SLC26A5: variants seen among roughly 807,000 people sequenced by gnomAD.
The protein encoded by SLC26A5 is solute carrier family 26 member 5.
Under a neutral mutation model 81.0 loss-of-function variants are expected in SLC26A5, and 51 were observed. The ratio of observed to expected loss-of-function variants is 0.63; its 90% CI spans 0.50 to 0.80. The LOEUF is 0.80. Among genes scored for constraint, SLC26A5 ranks in the 30% least tolerant of loss-of-function variants. SLC26A5 has a pLI of 0.00. For synonymous variants in SLC26A5, 325 were observed against 332.8 expected (o/e 0.98, Z 0.25); for missense variants, 771 against 905.8 (o/e 0.85, Z 1.91).
intron 14 of SLC26A5, among the ~76,000 whole-genome samples, chr7:103,386,624 A>G (rs1822215580): frequency 6.6e-6 from 1 of 152,112 alleles, no homozygotes; most frequent in Non-Finnish European, 1.5e-5. Flanking sequence ...AGAAAAATAA[A>G]GACTAAGTAA....
chr7:103,404,028 C>G (rs538906570), intron 8 of SLC26A5, among the ~76,000 whole-genome samples: 1 of 152,190 alleles, frequency 6.6e-6, no homozygotes, highest in East Asian at 1.9e-4. Flanking sequence ...GCTAAAAATA[C>G]AAAAACTAGC....
intron 14 of SLC26A5, among the ~76,000 whole-genome samples, chr7:103,385,702 CTTTT>C: frequency 8.2e-6 from 1 of 122,636 alleles, no homozygotes; most frequent in Admixed American, 7.6e-5. Context: ...CTTTTCTTTT[CTTTT>C]TTTTTTTTTT....
At position 103,386,786 on chromosome 7, in the gene SLC26A5, C is replaced by T. The variant is rs372315106; in HGVS notation, c.1514+2222G>A. ...TTTTTTCTTTTTCTTTTTTTTGAGA[C>T]GTGTGTCACTCTGTCGCCCAGGCTG... On this transcript the variant is annotated intron_variant, in intron 14 of 19. Transcript: ENST00000306312. 3.0e-4 allele frequency among the ~76,000 whole-genome samples: 45 copies of T among 150,826 alleles called. 1 individual carries two copies. The highest frequency in any genetic ancestry group is 1.0e-3 in the African/African-American group (43 of 41,090).
rs1563527919 is a variant in SLC26A5 at position 103,388,621 on chromosome 7, A to G, written c.1514+387T>C. The stretch of plus-strand genomic sequence containing the variant: ...AATGACAGTGGAAGGAATGCATACG[A>G]TAACTTGGTGTCAGAGTTTGCTTCA... On this transcript the variant is annotated intron_variant, in intron 14 of 19. Coordinates refer to ENST00000306312, the MANE Select transcript of SLC26A5 (RefSeq NM_198999.3). 1.2e-5 allele frequency: 4 copies of G among 347,730 alleles called. No individual in the cohort carries two copies. In the East Asian group the frequency reaches 3.0e-4, roughly 26 times the overall value. The allele number at this position is 347,730 out of a possible 1,614,324, so 21.5% of individuals were successfully genotyped here.
chr7:103,389,294 G>T, intron 13 of SLC26A5, 35 bp downstream of exon 13: 2 of 1,437,072 alleles, frequency 1.4e-6, no homozygotes, highest in South Asian at 2.3e-5. Flanking sequence ...TCTGCTCTAT[G>T]ACATATTAAC....
At chr7:103,364,366 A>G in intron 19 of SLC26A5, 1 of 1,579,840 alleles carries the variant, frequency 6.3e-7, no homozygotes, top group Non-Finnish European at 8.6e-7. Flanking sequence ...GTATGAATGA[A>G]ATTAAAAATG....
intron 2 of SLC26A5, among the ~76,000 whole-genome samples, chr7:103,439,241 A>AG (rs2116857893): frequency 6.6e-6 from 1 of 152,104 alleles, no homozygotes; most frequent in East Asian, 1.9e-4. Context: ...GCACAAGGGG[A>AG]GGAATGGGAA....
chr7:103,430,904 C>CA (rs569309039), intron 2 of SLC26A5, among the ~76,000 whole-genome samples: 216 of 152,276 alleles, frequency 1.4e-3, no homozygotes, highest in African/African-American at 5.1e-3. Flanking sequence ...AGCTACTGCT[C>CA]AAAATCACTC....
chr7:103,386,866 A>G (rs975506589), intron 14 of SLC26A5, among the ~76,000 whole-genome samples: 1 of 151,652 alleles, frequency 6.6e-6, no homozygotes, highest in African/African-American at 2.4e-5. Flanking sequence ...GGGTTCCAGC[A>G]ATTTTCTGCC....
chr7:103,385,886 T>C (rs575836047), intron 14 of SLC26A5, among the ~76,000 whole-genome samples: 1 of 151,402 alleles, frequency 6.6e-6, no homozygotes, highest in Non-Finnish European at 1.5e-5. Context: ...ATTTCTGGTA[T>C]GGATGGGGTT....
chr7:103,363,329 C>G lies in SLC26A5; in HGVS notation c.2042-10403G>C, dbSNP rs74993698. ...GCCTGTGACTGTATGTTGTACATTT[C>G]TGTCCCTCTCTTAGGTGGAAGAGAA... is the stretch of plus-strand genomic sequence containing the variant. On this transcript the variant is annotated intron_variant, in intron 19 of 19. Transcript: ENST00000339444. The G allele has an allele frequency of 0.012, 18,856 of 1,590,656 alleles. 444 individuals carry two copies. The highest frequency in any genetic ancestry group is 0.086 in the East Asian group (3,833 of 44,772).
intron 9 of SLC26A5, among the ~76,000 whole-genome samples, chr7:103,397,698 CAG>C (rs1225355667): frequency 7.4e-6 from 1 of 135,244 alleles, no homozygotes; most frequent in African/African-American, 2.9e-5. Context: ...GCCCAGGCGA[CAG>C]AGTGAGACTT....
intron 19 of SLC26A5, chr7:103,365,995 A>G: frequency 8.9e-7 from 1 of 1,127,116 alleles, no homozygotes; most frequent in Non-Finnish European, 1.3e-6. Context: ...ATAAATATTG[A>G]AAAGTTTGAA....
chr7:103,369,656 TG>T (rs1820916031), downstream of SLC26A5, among the ~76,000 whole-genome samples: 1 of 152,194 alleles, frequency 6.6e-6, no homozygotes, highest in African/African-American at 2.4e-5. Context: ...CTCAAAGAGA[TG>T]AAACAGACAT....
intron 7 of SLC26A5, 118 bp from the exon 8 acceptor site, chr7:103,408,121 G>T (rs529293181): frequency 7.4e-7 from 1 of 1,355,654 alleles, no homozygotes; most frequent in Non-Finnish European, 1.0e-6. Context: ...CTAGTGGAAA[G>T]TTCCAAGGCT....
chr7:103,385,899 A>T (rs1822154187), intron 14 of SLC26A5, among the ~76,000 whole-genome samples: 1 of 149,392 alleles, frequency 6.7e-6, no homozygotes, highest in Non-Finnish European at 1.5e-5. Context: ...ATGGGGTTTT[A>T]CCAGGTTGCC....
chr7:103,358,762 C>T (rs867612361), intron 19 of SLC26A5, among the ~76,000 whole-genome samples: 4 of 151,848 alleles, frequency 2.6e-5, no homozygotes, highest in African/African-American at 7.3e-5. Flanking sequence ...TTTTCTAGGC[C>T]GTATGAGGGG....
At chr7:103,411,392 A>G (rs201301057) in intron 6 of SLC26A5, 28 bp downstream of exon 6, 7 of 1,613,666 alleles carry the variant, frequency 4.3e-6, no homozygotes, top group Admixed American at 3.3e-5. Flanking sequence ...CAAACGAGAC[A>G]GTCCATTTCC....
Position 103,380,525 on chromosome 7 carries a change from C to G in SLC26A5, c.1539G>C (p.Lys513Asn), listed in dbSNP as rs566208291. 6.2e-7 allele frequency: 1 copy of G among 1,613,846 alleles called. No homozygotes were observed. The highest frequency in any genetic ancestry group is 1.3e-5 in the African/African-American group (1 of 75,006). ...TQSPSYKVLG[K>N]LPETDVYIDI... is the part of the protein sequence containing the mutation. ...CAATATACACATCAGTTTCAGGAAG[C>G]TTTCCAAGGACTTTGTAGCTTGGAC... The change falls in exon 15 of 20, where the codon AAG becomes AAC. Residue 513 changes from lysine (K) to asparagine (N), a missense_variant. Coordinates refer to ENST00000306312, the MANE Select transcript of SLC26A5 (RefSeq NM_198999.3).
Sources: gnomAD v4.1 joint callset for allele counts (sites outside exome capture counted in the v4.1 genomes callset) on GRCh38, gnomAD v4.1.1 for gene constraint, MANE v1.5 for transcripts, NCBI Gene and HGNC (gene_info 2026-07-23, HGNC 2026-07-21) for gene names.